Variants in TBPL2 observed in about 807,000 individuals in gnomAD.
TBPL2 encodes the protein TATA box-binding protein-like 2.
A neutral mutation model predicts 38.2 loss-of-function variants in TBPL2; 40 were observed. The ratio of observed to expected loss-of-function variants is 1.05; its 90% CI spans 0.81 to 1.36. TBPL2 has a LOEUF of 1.36. Among genes scored for constraint, TBPL2 ranks in the 40% most tolerant of loss-of-function variants. The probability of loss-of-function intolerance (pLI) is 0.00; values close to 1 mark genes in which losing one functional copy is unlikely to be tolerated. For synonymous variants in TBPL2, 169 were observed against 171.7 expected (o/e 0.98, Z 0.12); for missense variants, 461 against 456.7 (o/e 1.01, Z -0.09).
exon 2 of TBPL2, chr14:55,436,712 T>C (rs1458960263): frequency 1.2e-6 from 2 of 1,614,034 alleles, no homozygotes; most frequent in East Asian, 2.2e-5. Flanking sequence ...GAATGGGAAT[T>C]TGACAAACTG....
At chr14:55,433,671 A>G in exon 4 of TBPL2, 3 of 1,614,070 alleles carry the variant, frequency 1.9e-6, no homozygotes, top group Non-Finnish European at 2.5e-6. Flanking sequence ...AGCTAAATAT[A>G]AGGGCTGTTG....
chr14:55,415,553 G>A (rs923354371), intron 6 of TBPL2, among the ~76,000 whole-genome samples: 2 of 152,130 alleles, frequency 1.3e-5, no homozygotes, highest in East Asian at 3.9e-4. Context: ...TTAAATGCCC[G>A]TCAATGGATG....
intron 1 of TBPL2, 75 bp from the exon 2 acceptor site, chr14:55,437,093 T>TGGCA (rs1462083989): frequency 7.5e-6 from 10 of 1,325,366 alleles, no homozygotes; most frequent in African/African-American, 2.9e-5. Context: ...GATGTCACTA[T>TGGCA]GGCAGGCAGG....
At chr14:55,419,789 A>G (rs531880574) in intron 6 of TBPL2, among the ~76,000 whole-genome samples, 1 of 152,350 alleles carries the variant, frequency 6.6e-6, no homozygotes, top group African/African-American at 2.4e-5. Flanking sequence ...GGGCATTGGC[A>G]TTCTACAGTT....
rs879474304 is a variant in TBPL2 at position 55,438,360 on chromosome 14, C to T, written c.151-1342G>A. ...TATTCTCTTGAAATAAGATTTTTGA[C>T]CTCTATTTCATTATGAATACATGAT... On this transcript the variant is annotated intron_variant, in intron 1 of 6. Coordinates refer to ENST00000247219, the Ensembl canonical transcript of TBPL2. Among the ~76,000 whole-genome samples the T allele has an allele frequency of 3.9e-5, 6 of 152,158 alleles. No homozygotes were observed. In the East Asian group the frequency reaches 1.2e-3, roughly 29 times the overall value.
intron 6 of TBPL2, among the ~76,000 whole-genome samples, chr14:55,416,191 A>C (rs73280354): frequency 0.025 from 3,814 of 152,338 alleles, 149 homozygotes; most frequent in African/African-American, 0.087. Context: ...ATACACAACC[A>C]GCTACTAAAT....
rs151178177 is a variant in TBPL2 at position 55,426,615 on chromosome 14, C to A, written c.956+2192G>T. On this transcript the variant is annotated intron_variant, in intron 5 of 6. Coordinates refer to ENST00000247219, the Ensembl canonical transcript of TBPL2. ...CACACTCTGGAGTTGTAATCCATAA[C>A]CTGAGGCTGACAGCCGAATGGAGAG... Among the ~76,000 whole-genome samples the A allele has an allele frequency of 2.3e-3, 343 of 151,974 alleles. 2 individuals are homozygous for A. The highest frequency in any genetic ancestry group is 7.6e-3 in the African/African-American group (314 of 41,428).
chr14:55,423,118 A>G (rs778078083), intron 6 of TBPL2, among the ~76,000 whole-genome samples: 4 of 152,212 alleles, frequency 2.6e-5, no homozygotes, highest in African/African-American at 4.8e-5. Context: ...TATTTACAAG[A>G]GACAAAATGC....
chr14:55,435,993 A>AAG, intron 2 of TBPL2, 59 bp from the exon 3 acceptor site: 2 of 1,127,018 alleles, frequency 1.8e-6, no homozygotes, highest in Non-Finnish European at 2.5e-6. Flanking sequence ...AAAAAAAAAA[A>AAG]GACAACTTAT....
intron 4 of TBPL2, among the ~76,000 whole-genome samples, chr14:55,430,305 T>C (rs1885904812): frequency 6.6e-6 from 1 of 151,682 alleles, no homozygotes; most frequent in East Asian, 1.9e-4. Context: ...TTGATTCTCT[T>C]ATCCAGATCC....
chr14:55,427,658 C>T (rs1885846693), intron 5 of TBPL2, among the ~76,000 whole-genome samples: 1 of 152,062 alleles, frequency 6.6e-6, no homozygotes, highest in African/African-American at 2.4e-5. Context: ...GTCCATGAGT[C>T]ACCCTCCATC....
At chr14:55,429,377 G>A (rs1207207367) in intron 4 of TBPL2, among the ~76,000 whole-genome samples, 1 of 152,184 alleles carries the variant, frequency 6.6e-6, no homozygotes, top group African/African-American at 2.4e-5. Context: ...GGGTGGGGCC[G>A]AGCAATCTGT....
At position 55,426,012 on chromosome 14, in the gene TBPL2, A is replaced by G. The variant is rs539622195; in HGVS notation, c.957-1759T>C. Among the ~76,000 whole-genome samples, 3 of 152,186 alleles carry G rather than the reference A, an allele frequency of 2.0e-5. No homozygotes were observed. The South Asian group carries it at 6.2e-4, about 32-fold the overall frequency. On this transcript the variant is annotated intron_variant, in intron 5 of 6. Transcript: ENST00000247219. ...GCCGGGTGCGGTGGCTCACACCTGT[A>G]ATCCTAGTACTTGGGAAGTCGAGGT...
intron 5 of TBPL2, among the ~76,000 whole-genome samples, chr14:55,428,119 C>CTTTTTTT (rs567342581): frequency 0.056 from 2,415 of 43,330 alleles, 886 homozygotes; most frequent in East Asian, 0.11. Flanking sequence ...CATGCCTTAT[C>CTTTTTTT]TTTTTTTTTT....
At chr14:55,429,970 T>G in intron 4 of TBPL2, among the ~76,000 whole-genome samples, 1 of 152,020 alleles carries the variant, frequency 6.6e-6, no homozygotes, top group Non-Finnish European at 1.5e-5. Flanking sequence ...CTCGGCTTTC[T>G]CACCCAATCT....
chr14:55,421,029 G>A (rs988216273), intron 6 of TBPL2, among the ~76,000 whole-genome samples: 1 of 137,438 alleles, frequency 7.3e-6, no homozygotes, highest in Non-Finnish European at 1.5e-5. Context: ...CCACTGCACT[G>A]CAGCCTGGGC....
intron 6 of TBPL2, among the ~76,000 whole-genome samples, chr14:55,416,848 TTTAA>T (rs911047137): frequency 1.3e-5 from 2 of 152,352 alleles, no homozygotes; most frequent in African/African-American, 4.8e-5. Flanking sequence ...TCTTTTCATA[TTTAA>T]TTGAGGAACA....
chr14:55,436,574 C>A (rs200391300), exon 2 of TBPL2: 1 of 1,613,802 alleles, frequency 6.2e-7, no homozygotes, highest in East Asian at 2.2e-5. Context: ...AGTTGAGGTA[C>A]AATTCCACAA....
intron 4 of TBPL2, among the ~76,000 whole-genome samples, chr14:55,433,309 C>CTTTTTTT (rs71131269): frequency 1.7e-5 from 2 of 119,886 alleles, no homozygotes; most frequent in African/African-American, 3.3e-5. Context: ...TTAGATTTCT[C>CTTTTTTT]TTTTTTTTTT....
Sources: allele counts gnomAD v4.1 joint callset (sites outside exome capture counted in the v4.1 genomes callset), GRCh38; gene constraint gnomAD v4.1.1; transcripts MANE v1.5; gene names NCBI Gene and HGNC (gene_info 2026-07-23, HGNC 2026-07-21).